The following RPN2 variants were observed in gnomAD, a reference collection of about 807,000 sequenced individuals.
RPN2 encodes the protein ribophorin II.
In RPN2, 29 loss-of-function variants were observed where a neutral mutation model predicts 71.4. The ratio of observed to expected loss-of-function variants is 0.41; its 90% CI spans 0.30 to 0.55. The LOEUF (loss-of-function observed/expected upper bound fraction) is 0.55, where lower values mean the gene tolerates loss of function less well. Among genes scored for constraint, RPN2 ranks in the 20% least tolerant of loss-of-function variants. The pLI is 0.35. For missense variants in RPN2, 726 were observed against 774.1 expected (o/e 0.94, Z 0.74); for synonymous variants, 308 against 305.0 (o/e 1.01, Z -0.10).
At chr20:37,223,394 T>C (rs2068005264) in intron 9 of RPN2, among the ~76,000 whole-genome samples, 2 of 152,144 alleles carry the variant, frequency 1.3e-5, no homozygotes, top group Non-Finnish European at 2.9e-5. Context: ...AGCAGCTTCA[T>C]CTCTCTCATC....
intron 2 of RPN2, among the ~76,000 whole-genome samples, chr20:37,189,323 ATGTGTG>A (rs11474653): frequency 0.21 from 13,854 of 64,484 alleles, 672 homozygotes; most frequent in Middle Eastern, 0.24. Flanking sequence ...GTGTGTGTGT[ATGTGTG>A]TGTGTGTGTG....
chr20:37,218,165 A>G (rs1203818203), intron 9 of RPN2, among the ~76,000 whole-genome samples: 1 of 152,200 alleles, frequency 6.6e-6, no homozygotes, highest in Non-Finnish European at 1.5e-5. Flanking sequence ...TAATCCCAGA[A>G]CTTTGGGAGG....
At chr20:37,211,397 G>C (rs186082884) in intron 8 of RPN2, among the ~76,000 whole-genome samples, 16 of 150,604 alleles carry the variant, frequency 1.1e-4, no homozygotes, top group South Asian at 6.3e-4. Context: ...CAGCACTTTG[G>C]GGGGGCCAAG....
chr20:37,187,459 G>C (rs1181871367), intron 2 of RPN2, among the ~76,000 whole-genome samples: 1 of 7,186 alleles, frequency 1.4e-4, no homozygotes, highest in African/African-American at 6.1e-4. Context: ...CCGAGATCCC[G>C]CCACTGCACT....
At chr20:37,220,419 G>A (rs2067923835) in intron 9 of RPN2, among the ~76,000 whole-genome samples, 1 of 152,068 alleles carries the variant, frequency 6.6e-6, no homozygotes, top group Non-Finnish European at 1.5e-5. Context: ...GGCTGTCAGG[G>A]GAAGCATCGG....
rs1437245674 is a variant in RPN2 at position 37,204,903 on chromosome 20, T to A, written c.690+2T>A. The A allele has an allele frequency of 6.2e-7, 1 of 1,613,972 alleles. No individual in the cohort carries two copies. Among genetic ancestry groups the A allele is most frequent in the Non-Finnish European group, 8.5e-7 (1 of 1,180,018 alleles). ...GGGACTGAGCCATCCATTAAGGAGG[T>A]ACCTATCTAACAATTTTCAGGCATG... On this transcript the variant is annotated splice_donor_variant, in intron 6 of 16. Coordinates refer to ENST00000237530, the MANE Select transcript of RPN2 (RefSeq NM_002951.5). LOFTEE classifies it high-confidence loss of function.
chr20:37,234,152 C>CG, intron 15 of RPN2, 57 bp downstream of exon 15: 1 of 1,553,366 alleles, frequency 6.4e-7, no homozygotes, highest in Non-Finnish European at 8.8e-7. Context: ...AGCCTGCCCA[C>CG]GCAAAAGCCC....
chr20:37,213,955 CTT>C (rs2067743860), intron 9 of RPN2, 90 bp downstream of exon 9: 1 of 960,294 alleles, frequency 1.0e-6, no homozygotes, highest in East Asian at 2.5e-5. Context: ...GGTGCATTGA[CTT>C]TTCTCTACAA....
At chr20:37,192,791 G>A (rs1003891281) in intron 2 of RPN2, among the ~76,000 whole-genome samples, 1 of 152,174 alleles carries the variant, frequency 6.6e-6, no homozygotes, top group African/African-American at 2.4e-5. Context: ...AGGGGACTTT[G>A]ATTTGCCAGG....
chr20:37,239,773 A>G (rs2068503814), intron 16 of RPN2, among the ~76,000 whole-genome samples: 1 of 151,946 alleles, frequency 6.6e-6, no homozygotes. Context: ...TTAGAGTCCG[A>G]CCCTTCTCCC....
At position 37,203,915 on chromosome 20, in the gene RPN2, C is replaced by T; in HGVS notation, c.510C>T (p.His170=). 3 of 1,614,042 alleles carry T rather than the reference C, an allele frequency of 1.9e-6. No homozygotes were observed. The highest frequency in any genetic ancestry group is 2.5e-6 in the Non-Finnish European group (3 of 1,179,886). Reference sequence around the variant, plus strand: ...TCCAGGCTCTGCAGACAGCATCCCACCTGTCCCAGCAGGCTGACCTGAGGA... The same window carrying T: ...TCCAGGCTCTGCAGACAGCATCCCATCTGTCCCAGCAGGCTGACCTGAGGA... ...ATVQALQTAS[H]LSQQADLRSI... Residue 170 remains histidine, a synonymous_variant, in exon 5 of 17, where the codon CAC becomes CAT. Transcript: ENST00000237530.
At position 37,199,152 on chromosome 20, in the gene RPN2, G is replaced by T; in HGVS notation, c.406G>T (p.Gly136Cys). 1 of 1,614,160 alleles carries T rather than the reference G, an allele frequency of 6.2e-7. No homozygotes were observed. The highest frequency in any genetic ancestry group is 8.5e-7 in the Non-Finnish European group (1 of 1,180,024). ...YHAVAALSGF[G>C]LPLASQEALS... ...TGCAGTTGCAGCTCTAAGTGGCTTT[G>T]GCCTTCCCTTGGCATCCCAAGAAGC... is the stretch of plus-strand genomic sequence containing the variant. The change falls in exon 4 of 17, where the codon GGC becomes TGC. Residue 136 changes from glycine to cysteine, a missense_variant. Transcript: ENST00000237530.
At chr20:37,234,206 C>A in intron 15 of RPN2, 111 bp downstream of exon 15, 2 of 1,029,360 alleles carry the variant, frequency 1.9e-6, no homozygotes, top group Non-Finnish European at 3.0e-6. Context: ...GACTTAATAG[C>A]ATTACATTTC....
chr20:37,184,202 G>A lies in RPN2; in HGVS notation c.36G>A (p.Leu12=). The part of the protein sequence containing the change: ...APPGSSTVFL[L]ALTIIASTWA... ...AAGGTTCAAGCACTGTCTTCCTGTT[G>A]GCCCTGACAATCATAGCCAGCACCT... Residue 12 remains leucine (L), a synonymous_variant, in exon 2 of 17, where the codon TTG becomes TTA. Coordinates refer to ENST00000237530, the MANE Select transcript of RPN2 (RefSeq NM_002951.5). 1 of 1,614,150 alleles carries A rather than the reference G, an allele frequency of 6.2e-7. No homozygotes were observed.
intron 6 of RPN2, among the ~76,000 whole-genome samples, chr20:37,205,126 A>G (rs1243681235): frequency 6.6e-6 from 1 of 152,126 alleles, no homozygotes; most frequent in Non-Finnish European, 1.5e-5. Flanking sequence ...CTTGCTTTAA[A>G]TGGGGTATGT....
In RPN2 at chr20:37,241,532, G is replaced by A; in HGVS notation, c.*217G>A. 1 of 615,830 alleles carries A rather than the reference G, an allele frequency of 1.6e-6. No homozygotes were observed. Among genetic ancestry groups the A allele is most frequent in the East Asian group, 2.9e-5 (1 of 34,526 alleles). 38.1% of individuals were successfully genotyped at this position (615,830 alleles called of 1,614,324 possible). A position where few individuals can be genotyped will look rare whatever the true frequency, so the allele number is the denominator to read the frequency against. Reference sequence around the variant, plus strand: ...CTCTTTCTCTGACACTGTGTAAGAAGCTGTGAATATTCCTAACTTACCCAG... The same window carrying A: ...CTCTTTCTCTGACACTGTGTAAGAAACTGTGAATATTCCTAACTTACCCAG... On this transcript the variant is annotated 3_prime_UTR_variant, in exon 17 of 17. Transcript: ENST00000237530.
chr20:37,194,302 C>T (rs374733712), intron 2 of RPN2, among the ~76,000 whole-genome samples: 14 of 152,146 alleles, frequency 9.2e-5, no homozygotes, highest in African/African-American at 2.7e-4. Flanking sequence ...GCTCTTGTCA[C>T]CCAGGCTGGA....
At chr20:37,200,354 A>ATT in intron 4 of RPN2, 13 of 379,170 alleles carry the variant, frequency 3.4e-5, no homozygotes, top group African/African-American at 8.7e-5. Flanking sequence ...GCCGGTTGTA[A>ATT]TTTTTTTTTT....
Position 37,210,027 on chromosome 20 carries a change from A to C in RPN2, c.868-20A>C. 6.2e-7 allele frequency: 1 copy of C among 1,612,802 alleles called. No homozygotes were observed. The highest frequency in any genetic ancestry group is 8.5e-7 in the Non-Finnish European group (1 of 1,179,778). ...TCCTGTAGCCTTTGTTGTAACAAAT[A>C]ATTTTTTATTTATTTCCAGTTGCAA... On this transcript the variant is annotated intron_variant, in intron 7 of 16. Transcript: ENST00000237530.
Sources: gnomAD v4.1 joint callset for allele counts (sites outside exome capture counted in the v4.1 genomes callset) on GRCh38, gnomAD v4.1.1 for gene constraint, MANE v1.5 for transcripts, NCBI Gene and HGNC (gene_info 2026-07-23, HGNC 2026-07-21) for gene names.